NOL10: variants seen among roughly 807,000 people sequenced by gnomAD.
The protein encoded by NOL10 is nucleolar protein 10, also known as H_NH0074G24.1.
Under a neutral mutation model 103.5 loss-of-function variants are expected in NOL10, and 58 were observed. That is an observed-to-expected ratio of 0.56 (90% CI 0.45 to 0.70). The LOEUF (loss-of-function observed/expected upper bound fraction) is 0.70. Ranked by LOEUF, NOL10 falls within the 30% of genes least tolerant of loss-of-function variation. NOL10 has a pLI of 0.00. For synonymous variants in NOL10, 287 were observed against 282.5 expected, an observed-to-expected ratio of 1.02 and a Z score of -0.16; for missense variants, 763 against 807.3, an observed-to-expected ratio of 0.95 and a Z score of 0.67.
At chr2:10,626,090 G>A (rs1677447922) in intron 13 of NOL10, among the ~76,000 whole-genome samples, 1 of 152,046 alleles carries the variant, frequency 6.6e-6, no homozygotes, top group African/African-American at 2.4e-5. Flanking sequence ...TGAGGTAGGA[G>A]GATTACTTGA....
intron 12 of NOL10, among the ~76,000 whole-genome samples, chr2:10,652,479 C>T (rs1001700861): frequency 2.6e-5 from 4 of 152,074 alleles, no homozygotes; most frequent in Non-Finnish European, 5.9e-5. Context: ...TGTATTACAG[C>T]ATCCATCATC....
intron 13 of NOL10, among the ~76,000 whole-genome samples, chr2:10,613,964 A>ATT (rs1553301420): frequency 0.1 from 13,215 of 132,416 alleles, 946 homozygotes; most frequent in East Asian, 0.4. Context: ...CCCCATTAGA[A>ATT]TTTTTTTTTT....
At chr2:10,652,443 C>T (rs1166315822) in intron 12 of NOL10, among the ~76,000 whole-genome samples, 1 of 151,666 alleles carries the variant, frequency 6.6e-6, no homozygotes, top group Admixed American at 6.6e-5. Flanking sequence ...CCACTGACTA[C>T]ACAGTTATAA....
At chr2:10,602,127 G>A (rs1208624763) in intron 16 of NOL10, among the ~76,000 whole-genome samples, 1 of 152,170 alleles carries the variant, frequency 6.6e-6, no homozygotes, top group Non-Finnish European at 1.5e-5. Flanking sequence ...ACGCTCCCAG[G>A]AACATCCTTG....
At position 10,644,317 on chromosome 2, in the gene NOL10, T is replaced by C; in HGVS notation, c.1026+3A>G. 6.6e-7 allele frequency: 1 copy of C among 1,519,412 alleles called. No individual in the cohort carries two copies. Among genetic ancestry groups the C allele is most frequent in the Non-Finnish European group, 8.8e-7 (1 of 1,133,174 alleles). The allele number at this position is 1,519,412 out of a possible 1,614,324, so 94.1% of individuals were successfully genotyped here. A position where few individuals can be genotyped will look rare whatever the true frequency, so the allele number is the denominator to read the frequency against. ...TACTGAAACTCCTCTTTGTATTACT[T>C]ACTGGAATGTAATAGATGCCCATCT... is the stretch of plus-strand genomic sequence containing the variant. On this transcript the variant is annotated splice_donor_region_variant and intron_variant, in intron 13 of 20. Transcript: ENST00000381685.
chr2:10,600,845 C>T lies in NOL10; in HGVS notation c.1422+8G>A, dbSNP rs1675939065. On this transcript the variant is annotated splice_region_variant and intron_variant, in intron 17 of 20. Transcript: ENST00000381685. ...CAGAAACAATTTGCCGATACTTTTT[C>T]ACCTTACCTTAACTTTCTTTTTCCA... 2 of 1,523,074 alleles carry T rather than the reference C, an allele frequency of 1.3e-6. No individual in the cohort carries two copies. Among genetic ancestry groups the T allele is most frequent in the East Asian group, 4.9e-5 (2 of 41,042 alleles). The allele number at this position is 1,523,074 out of a possible 1,614,324, so 94.3% of individuals were successfully genotyped here.
intron 5 of NOL10, among the ~76,000 whole-genome samples, chr2:10,672,928 T>C (rs1681044954): frequency 6.6e-6 from 1 of 152,034 alleles, no homozygotes; most frequent in South Asian, 2.1e-4. Context: ...GGGAGGCTGA[T>C]GCTGCAATGA....
chr2:10,587,403 T>G (rs896171663), intron 19 of NOL10, among the ~76,000 whole-genome samples: 1 of 149,252 alleles, frequency 6.7e-6, no homozygotes, highest in Admixed American at 6.7e-5. Flanking sequence ...CCTGAGTAGC[T>G]GGGACTACAG....
chr2:10,689,932 C>G lies in NOL10; in HGVS notation c.-71G>C, dbSNP rs1335240306. 1 of 1,414,474 alleles carries G rather than the reference C, an allele frequency of 7.1e-7. No individual in the cohort carries two copies. The allele number at this position is 1,414,474 out of a possible 1,614,324, so 87.6% of individuals were successfully genotyped here. ...GTGCTCGAGCACCGTAATCCCGGGA[C>G]CTCCGAGCCCCTGCTCCGCGGCGTG... On this transcript the variant is annotated 5_prime_UTR_variant, in exon 1 of 21. Transcript: ENST00000381685.
rs373356951 is a variant in NOL10, at chr2:10,675,908, T to C, written c.212-37A>G. 6.1e-6 allele frequency: 7 copies of C among 1,154,978 alleles called. No individual in the cohort carries two copies. In the African/African-American group the frequency reaches 6.1e-5, roughly 10 times the overall value. The allele number at this position is 1,154,978 out of a possible 1,614,324, so 71.5% of individuals were successfully genotyped here. The stretch of plus-strand genomic sequence containing the variant: ...TAATGTGATGTAAAACCTAAAGACA[T>C]ACTTTCATAGTCAAAACATCCAGAT... On this transcript the variant is annotated intron_variant, in intron 3 of 20. Transcript: ENST00000381685.
chr2:10,586,707 A>C (rs1675038402), intron 19 of NOL10, among the ~76,000 whole-genome samples: 1 of 152,120 alleles, frequency 6.6e-6, no homozygotes, highest in Non-Finnish European at 1.5e-5. Flanking sequence ...GAAGACAACA[A>C]GGATGAAGAC....
intron 13 of NOL10, chr2:10,622,241 A>G: frequency 2.2e-6 from 1 of 460,586 alleles, no homozygotes; most frequent in Admixed American, 2.5e-5. Context: ...GCAACTATTA[A>G]AAAGAGAGCT....
At position 10,682,069 on chromosome 2, in the gene NOL10, T is replaced by C. The variant is rs762128957; in HGVS notation, c.113A>G (p.Asp38Gly). The C allele has an allele frequency of 1.4e-6, 2 of 1,443,944 alleles. No individual in the cohort carries two copies. Among genetic ancestry groups the C allele is most frequent in the South Asian group, 3.1e-5 (2 of 65,372 alleles). The allele number at this position is 1,443,944 out of a possible 1,614,324, so 89.4% of individuals were successfully genotyped here. A position where few individuals can be genotyped will look rare whatever the true frequency, so the allele number is the denominator to read the frequency against. Residue 38 changes from aspartate to glycine, a missense_variant and splice_region_variant, in exon 3 of 21, where the codon GAT (aspartate) becomes GGT (glycine). By Grantham distance (94) the Asp-to-Gly change is moderately conservative. Transcript: ENST00000381685. ...KKRALQKKDV[D>G]VRRRIELIQD... Reference sequence around the variant, plus strand: ...AATAAGTTCAATTCTCCTACGGACATCTAAAAAGAGAGAAAAAAACAACTA... The same window carrying C: ...AATAAGTTCAATTCTCCTACGGACACCTAAAAAGAGAGAAAAAAACAACTA...
intron 3 of NOL10, among the ~76,000 whole-genome samples, chr2:10,681,027 T>C (rs1334805913): frequency 1.3e-5 from 2 of 152,182 alleles, no homozygotes; most frequent in Non-Finnish European, 2.9e-5. Flanking sequence ...GCAAATGATA[T>C]GATCACTTTG....
intron 19 of NOL10, among the ~76,000 whole-genome samples, chr2:10,585,749 T>C (rs1387193164): frequency 6.6e-6 from 1 of 152,204 alleles, no homozygotes; most frequent in African/African-American, 2.4e-5. Context: ...CTCTCCTATA[T>C]GTTAAATTAT....
chr2:10,574,074 TG>T (rs1178698148), intron 20 of NOL10, among the ~76,000 whole-genome samples: 1 of 152,254 alleles, frequency 6.6e-6, no homozygotes, highest in African/African-American at 2.4e-5. Context: ...TTGAAGCACT[TG>T]CCGCAGTTCT....
chr2:10,623,886 T>G (rs564209843), intron 13 of NOL10, among the ~76,000 whole-genome samples: 21 of 152,170 alleles, frequency 1.4e-4, no homozygotes, highest in Non-Finnish European at 3.1e-4. Context: ...CGCAAAAACA[T>G]TGACAACACC....
At chr2:10,635,753 A>T (rs1170713753) in intron 13 of NOL10, among the ~76,000 whole-genome samples, 1 of 152,236 alleles carries the variant, frequency 6.6e-6, no homozygotes, top group African/African-American at 2.4e-5. Context: ...CCTGCAGCCT[A>T]GTACCGTACT....
At chr2:10,616,808 CA>C (rs1172935027) in intron 13 of NOL10, among the ~76,000 whole-genome samples, 1 of 152,182 alleles carries the variant, frequency 6.6e-6, no homozygotes, top group Non-Finnish European at 1.5e-5. Context: ...CTCGGCCTCC[CA>C]AAGTGCTGGG....
Sources: allele counts gnomAD v4.1 joint callset (sites outside exome capture counted in the v4.1 genomes callset), GRCh38; gene constraint gnomAD v4.1.1; transcripts MANE v1.5; gene names NCBI Gene and HGNC (gene_info 2026-07-23, HGNC 2026-07-21).